Variants in CNTNAP2 observed in about 807,000 individuals in gnomAD.
CNTNAP2 encodes contactin associated protein 2.
In CNTNAP2, 98 loss-of-function variants were observed where a neutral mutation model predicts 155.2. The ratio of observed to expected loss-of-function variants is 0.63; its 90% CI spans 0.54 to 0.75. CNTNAP2 has a LOEUF of 0.75. CNTNAP2 is among the 30% of genes least tolerant of loss of function. The pLI is 0.00. For synonymous variants in CNTNAP2, 651 were observed against 631.2 expected (o/e 1.03, Z -0.47); for missense variants, 1,727 against 1,688.1 (o/e 1.02, Z -0.40).
At chr7:148,074,883 T>C (rs1803455493) in intron 15 of CNTNAP2, among the ~76,000 whole-genome samples, 1 of 152,222 alleles carries the variant, frequency 6.6e-6, no homozygotes, top group Non-Finnish European at 1.5e-5. Flanking sequence ...TTCTTATTTT[T>C]ATCAACACTT....
intron 13 of CNTNAP2, among the ~76,000 whole-genome samples, chr7:147,772,020 CAGTG>C (rs1797477692): frequency 6.6e-6 from 1 of 151,924 alleles, no homozygotes; most frequent in Non-Finnish European, 1.5e-5. Context: ...AAAAAAATTT[CAGTG>C]AGAGACTTCT....
At chr7:148,342,990 A>G (rs1184913447) in intron 21 of CNTNAP2, among the ~76,000 whole-genome samples, 1 of 152,236 alleles carries the variant, frequency 6.6e-6, no homozygotes, top group Non-Finnish European at 1.5e-5. Context: ...TCCAGGCTCC[A>G]GCCCCACACA....
chr7:147,025,396 A>AC (rs1798889258), intron 3 of CNTNAP2, among the ~76,000 whole-genome samples: 1 of 11,998 alleles, frequency 8.3e-5, no homozygotes, highest in Non-Finnish European at 1.6e-4. Flanking sequence ...GAGGAAGGGG[A>AC]GGGGGAAGAA....
intron 8 of CNTNAP2, among the ~76,000 whole-genome samples, chr7:147,173,626 T>TC (rs555653332): frequency 1.1e-4 from 17 of 152,292 alleles, no homozygotes; most frequent in African/African-American, 3.9e-4. Context: ...AAATGCTCGA[T>TC]CTGTATAAAC....
intron 8 of CNTNAP2, among the ~76,000 whole-genome samples, chr7:147,286,635 T>G (rs1487210564): frequency 6.6e-6 from 1 of 152,136 alleles, no homozygotes; most frequent in Non-Finnish European, 1.5e-5. Flanking sequence ...CCTAAACCAC[T>G]GAAAGTGCAT....
chr7:146,255,260 A>G (rs1433611548), intron 1 of CNTNAP2, among the ~76,000 whole-genome samples: 1 of 152,208 alleles, frequency 6.6e-6, no homozygotes, highest in Non-Finnish European at 1.5e-5. Flanking sequence ...CTGAGTATCA[A>G]TGTGCCCATC....
intron 13 of CNTNAP2, among the ~76,000 whole-genome samples, chr7:147,860,589 C>CAAAAAAAAA (rs11342244): frequency 1.6e-5 from 2 of 124,442 alleles, no homozygotes; most frequent in Non-Finnish European, 1.7e-5. Context: ...GACTCTGTCT[C>CAAAAAAAAA]AAAAAAAAAA....
intron 3 of CNTNAP2, among the ~76,000 whole-genome samples, chr7:147,041,258 A>G (rs1799253936): frequency 6.6e-6 from 1 of 152,148 alleles, no homozygotes; most frequent in African/African-American, 2.4e-5. Context: ...TTCCTTGTGT[A>G]TTCCTGAACA....
At chr7:147,055,134 T>G (rs1799535743) in intron 4 of CNTNAP2, among the ~76,000 whole-genome samples, 1 of 152,144 alleles carries the variant, frequency 6.6e-6, no homozygotes, top group Non-Finnish European at 1.5e-5. Flanking sequence ...CACCCCCAAA[T>G]AATAATATTT....
intron 17 of CNTNAP2, among the ~76,000 whole-genome samples, chr7:148,169,650 G>T (rs896708919): frequency 6.6e-5 from 10 of 152,164 alleles, no homozygotes; most frequent in African/African-American, 2.2e-4. Context: ...TGTTCTCGTT[G>T]TACATTTATT....
At chr7:147,216,101 T>G (rs1803262985) in intron 8 of CNTNAP2, among the ~76,000 whole-genome samples, 1 of 151,774 alleles carries the variant, frequency 6.6e-6, no homozygotes, top group Non-Finnish European at 1.5e-5. Flanking sequence ...ATCTGGTATG[T>G]GTTTTGCAAG....
chr7:147,072,260 T>G (rs1357969027), intron 4 of CNTNAP2, among the ~76,000 whole-genome samples: 1 of 152,076 alleles, frequency 6.6e-6, no homozygotes, highest in East Asian at 1.9e-4. Context: ...TGATTTGGTA[T>G]GAAATAAGGC....
chr7:147,484,205 T>C (rs2116634552), intron 10 of CNTNAP2, among the ~76,000 whole-genome samples: 1 of 152,332 alleles, frequency 6.6e-6, no homozygotes, highest in Admixed American at 6.5e-5. Flanking sequence ...GCCCAAATTT[T>C]ATAAAAAAGT....
chr7:147,591,164 T>A (rs1800727899), intron 12 of CNTNAP2, among the ~76,000 whole-genome samples: 1 of 152,202 alleles, frequency 6.6e-6, no homozygotes, highest in Non-Finnish European at 1.5e-5. Flanking sequence ...AGTAATTTCA[T>A]TTTTTCCCTT....
At chr7:146,750,347 C>T (rs1303261244) in intron 1 of CNTNAP2, among the ~76,000 whole-genome samples, 1 of 152,134 alleles carries the variant, frequency 6.6e-6, no homozygotes, top group Non-Finnish European at 1.5e-5. Context: ...AATCTCTCCT[C>T]TCTGCTCTGT....
In CNTNAP2 at chr7:148,417,525, A is replaced by T. The variant is rs1800022356; in HGVS notation, c.*1909A>T. On this transcript the variant is annotated 3_prime_UTR_variant, in exon 24 of 24. Transcript: ENST00000361727. ...ATCATTCTTCTATAAAATACATTTAAAATGGAAAAATACTTAATATCACTA... is the reference window on the plus strand; with the variant it reads ...ATCATTCTTCTATAAAATACATTTATAATGGAAAAATACTTAATATCACTA... 1 of 152,566 alleles carries T rather than the reference A, an allele frequency of 6.6e-6. No homozygotes were observed. Among genetic ancestry groups the T allele is most frequent in the Non-Finnish European group, 1.5e-5 (1 of 68,050 alleles). The allele number at this position is 152,566 out of a possible 1,614,324, so 9.5% of individuals were successfully genotyped here. A position where few individuals can be genotyped will look rare whatever the true frequency, so the allele number is the denominator to read the frequency against.
chr7:147,359,700 G>C (rs826827), intron 9 of CNTNAP2, among the ~76,000 whole-genome samples: 119,887 of 152,004 alleles, frequency 0.79, 47,982 homozygotes, highest in African/African-American at 0.93. Context: ...GCCTGGAATG[G>C]TCTTCTCTTA....
chr7:146,975,357 C>T (rs1354751934), intron 3 of CNTNAP2, among the ~76,000 whole-genome samples: 2 of 152,184 alleles, frequency 1.3e-5, no homozygotes, highest in East Asian at 3.9e-4. Context: ...CCCAGATACT[C>T]AGGAGGCTGA....
intron 13 of CNTNAP2, among the ~76,000 whole-genome samples, chr7:147,733,802 G>A (rs188708699): frequency 0.19 from 28,365 of 152,062 alleles, 3,049 homozygotes; most frequent in Middle Eastern, 0.38. Context: ...GAATTTACTT[G>A]TGATTTGGCT....
Sources: allele counts gnomAD v4.1 joint callset (sites outside exome capture counted in the v4.1 genomes callset), GRCh38; gene constraint gnomAD v4.1.1; transcripts MANE v1.5; gene names NCBI Gene and HGNC (gene_info 2026-07-23, HGNC 2026-07-21).